Variants in PRSS23 observed in about 807,000 individuals in gnomAD.
The protein encoded by PRSS23 is protease, serine 23.
PRSS23 carries 25 observed loss-of-function variants against 34.7 expected under a neutral mutation model. The observed-to-expected ratio is 0.72, with a 90% CI of 0.53 to 1.01. PRSS23 has a LOEUF of 1.01. Ranked by LOEUF, PRSS23 falls within the 50% of genes least tolerant of loss-of-function variation. PRSS23 has a pLI of 0.00. For synonymous variants in PRSS23, 176 were observed against 186.6 expected, an observed-to-expected ratio of 0.94 and a Z score of 0.46; for missense variants, 445 against 475.6, an observed-to-expected ratio of 0.94 and a Z score of 0.60.
At chr11:86,896,914 T>G (rs893715819) in intron 2 of PRSS23, among the ~76,000 whole-genome samples, 1 of 152,258 alleles carries the variant, frequency 6.6e-6, no homozygotes, top group Non-Finnish European at 1.5e-5. Flanking sequence ...CGCCATCCTA[T>G]ACATCTTATA....
At chr11:86,804,423 A>AT (rs1948075981) in intron 1 of PRSS23, among the ~76,000 whole-genome samples, 1 of 152,216 alleles carries the variant, frequency 6.6e-6, no homozygotes. Flanking sequence ...AAGATATATA[A>AT]TGCTGTCAGA....
At chr11:86,881,280 A>G (rs2134961596) in intron 2 of PRSS23, among the ~76,000 whole-genome samples, 1 of 149,864 alleles carries the variant, frequency 6.7e-6, no homozygotes, top group East Asian at 2.0e-4. Context: ...TTATCATGAA[A>G]TGGTGTTGGT....
At chr11:86,858,700 C>T (rs762075045) in intron 2 of PRSS23, among the ~76,000 whole-genome samples, 5 of 151,380 alleles carry the variant, frequency 3.3e-5, no homozygotes, top group African/African-American at 4.9e-5. Context: ...TGATATTACT[C>T]CCAATATCAC....
At chr11:86,890,608 C>T (rs1055452036) in intron 2 of PRSS23, among the ~76,000 whole-genome samples, 1 of 152,194 alleles carries the variant, frequency 6.6e-6, no homozygotes, top group African/African-American at 2.4e-5. Context: ...AACATCTGAG[C>T]CCCTGGCCTG....
chr11:86,828,707 C>T (rs183722038), intron 2 of PRSS23, among the ~76,000 whole-genome samples: 63 of 152,246 alleles, frequency 4.1e-4, no homozygotes, highest in African/African-American at 1.1e-3. Context: ...CAGAATCTCT[C>T]GGCATTTGCT....
At chr11:86,943,231 G>A (rs184247448) in intron 2 of PRSS23, among the ~76,000 whole-genome samples, 48 of 152,354 alleles carry the variant, frequency 3.2e-4, no homozygotes, top group Admixed American at 2.0e-3. Context: ...TAGTGATAAT[G>A]CTATATAATC....
intron 2 of PRSS23, chr11:86,837,670 G>C (rs1172113384): frequency 1.3e-5 from 2 of 152,234 alleles, no homozygotes; most frequent in African/African-American, 2.4e-5. Context: ...GGGAGGCTGA[G>C]ACAGGAGAAT....
chr11:86,806,704 G>C (rs1299331828), intron 1 of PRSS23, among the ~76,000 whole-genome samples: 1 of 152,188 alleles, frequency 6.6e-6, no homozygotes, highest in Non-Finnish European at 1.5e-5. Flanking sequence ...ATTGTCATTA[G>C]CGTCAGCATG....
intron 2 of PRSS23, among the ~76,000 whole-genome samples, chr11:86,939,508 C>A (rs1368781362): frequency 6.8e-6 from 1 of 148,100 alleles, no homozygotes; most frequent in Non-Finnish European, 1.5e-5. Flanking sequence ...CTCAGACTAC[C>A]TGCAAATATC....
exon 3 of PRSS23, chr11:86,952,473 G>A: frequency 6.2e-7 from 1 of 1,612,102 alleles, no homozygotes. Flanking sequence ...AGGAAGAACT[G>A]GAAAAGTAAC....
At chr11:86,932,186 TGA>T (rs1051383897) in intron 2 of PRSS23, among the ~76,000 whole-genome samples, 2 of 152,132 alleles carry the variant, frequency 1.3e-5, no homozygotes, top group African/African-American at 4.8e-5. Flanking sequence ...CAATGACTGC[TGA>T]GAGTCATCAG....
chr11:86,843,894 C>T (rs957051222), intron 2 of PRSS23, among the ~76,000 whole-genome samples: 1 of 152,146 alleles, frequency 6.6e-6, no homozygotes, highest in East Asian at 1.9e-4. Flanking sequence ...TACCATCTGA[C>T]CCAGCAATCC....
At chr11:86,829,163 T>A (rs1272906831) in intron 2 of PRSS23, among the ~76,000 whole-genome samples, 3 of 152,226 alleles carry the variant, frequency 2.0e-5, no homozygotes, top group Non-Finnish European at 4.4e-5. Flanking sequence ...TTTCACATAG[T>A]CCCATATTTC....
intron 1 of PRSS23, among the ~76,000 whole-genome samples, chr11:86,801,457 G>T (rs1948037250): frequency 6.6e-6 from 1 of 152,170 alleles, no homozygotes; most frequent in South Asian, 2.1e-4. Context: ...TGCCCACTGG[G>T]TGACACCAGT....
chr11:86,819,475 A>G (rs925103583), intron 1 of PRSS23, among the ~76,000 whole-genome samples: 1 of 152,244 alleles, frequency 6.6e-6, no homozygotes, highest in Non-Finnish European at 1.5e-5. Flanking sequence ...TTTAAAAATT[A>G]CCATTCCCAT....
chr11:86,867,691 G>A (rs1407956874), intron 2 of PRSS23, among the ~76,000 whole-genome samples: 1 of 152,008 alleles, frequency 6.6e-6, no homozygotes, highest in African/African-American at 2.4e-5. Flanking sequence ...ATCAGCCTGG[G>A]CAACATAGTG....
chr11:86,840,753 A>G (rs931071289), intron 2 of PRSS23, among the ~76,000 whole-genome samples: 1 of 152,228 alleles, frequency 6.6e-6, no homozygotes, highest in Non-Finnish European at 1.5e-5. Context: ...AAATCACAAC[A>G]AATTATCTGT....
chr11:86,896,565 A>T (rs531569347), intron 2 of PRSS23: 1 of 152,262 alleles, frequency 6.6e-6, no homozygotes, highest in South Asian at 2.1e-4. Flanking sequence ...CCCTTTTTGT[A>T]ATTCTCCCCC....
At chr11:86,895,017 A>G (rs17149491) in intron 2 of PRSS23, among the ~76,000 whole-genome samples, 28,307 of 152,160 alleles carry the variant, frequency 0.19, 3,238 homozygotes, top group African/African-American at 0.33. Flanking sequence ...TCAATAACAC[A>G]GAGAGTTACC....
Sources: allele counts gnomAD v4.1 joint callset (sites outside exome capture counted in the v4.1 genomes callset), GRCh38; gene constraint gnomAD v4.1.1; transcripts MANE v1.5; gene names NCBI Gene and HGNC (gene_info 2026-07-23, HGNC 2026-07-21).